The following ABR variants were observed in gnomAD, a reference collection of about 807,000 sequenced individuals.
The protein encoded by ABR is active breakpoint cluster region-related protein.
ABR carries 35 observed loss-of-function variants against 107.2 expected under a neutral mutation model. The ratio of observed to expected loss-of-function variants is 0.33; its 90% confidence interval spans 0.25 to 0.43. The LOEUF (loss-of-function observed/expected upper bound fraction) is 0.43. ABR is among the 20% of genes least tolerant of loss of function. The pLI, the probability that ABR is intolerant of heterozygous loss-of-function variation, is 1.00. For missense variants in ABR, 815 were observed against 1,115.2 expected, an observed-to-expected ratio of 0.73 and a Z score of 3.83; for synonymous variants, 498 against 462.0, an observed-to-expected ratio of 1.08 and a Z score of -1.00.
intron 1 of ABR, among the ~76,000 whole-genome samples, chr17:1,172,957 C>G (rs557343533): frequency 7.3e-5 from 8 of 110,304 alleles, no homozygotes; most frequent in South Asian, 3.1e-4. Context: ...TCCACCCCCC[C>G]CATCACCTCA....
intron 2 of ABR, among the ~76,000 whole-genome samples, chr17:1,120,025 G>A (rs892546838): frequency 6.6e-6 from 1 of 152,156 alleles, no homozygotes; most frequent in Admixed American, 6.5e-5. Flanking sequence ...TCCCCTTGTA[G>A]ATGGGATTAT....
At chr17:1,077,201 A>G (rs562384215) in intron 6 of ABR, among the ~76,000 whole-genome samples, 58 of 152,208 alleles carry the variant, frequency 3.8e-4, no homozygotes, top group African/African-American at 1.3e-3. Flanking sequence ...TAAAACCTCA[A>G]TGAACCACAG....
intron 4 of ABR, among the ~76,000 whole-genome samples, chr17:1,085,912 C>T (rs1250311454): frequency 2.0e-5 from 3 of 152,076 alleles, no homozygotes; most frequent in Non-Finnish European, 4.4e-5. Context: ...TTTGGGAGGC[C>T]GAGGCGGGCA....
upstream of ABR, among the ~76,000 whole-genome samples, chr17:1,184,410 A>C (rs1381090915): frequency 2.0e-5 from 3 of 148,366 alleles, no homozygotes; most frequent in Admixed American, 6.7e-5. Context: ...AGCTGAGATC[A>C]CGCCACTGCA....
chr17:1,223,358 C>T (rs1045819332), intron 1 of ABR, among the ~76,000 whole-genome samples: 6 of 149,248 alleles, frequency 4.0e-5, no homozygotes, highest in Admixed American at 1.3e-4. Context: ...CGTCACTCTA[C>T]GCCAGGTGTT....
chr17:1,079,295 T>C (rs374064632), intron 6 of ABR, 35 bp downstream of exon 6: 2 of 1,605,694 alleles, frequency 1.2e-6, no homozygotes, highest in Non-Finnish European at 8.5e-7. Flanking sequence ...CAGACAAAGG[T>C]AGGTGCCTGT....
intron 8 of ABR, among the ~76,000 whole-genome samples, chr17:1,072,198 C>T (rs1042786383): frequency 2.0e-5 from 3 of 152,188 alleles, no homozygotes; most frequent in South Asian, 2.1e-4. Flanking sequence ...CCACCGTGCC[C>T]GGCCTCCCTA....
At chr17:1,013,418 G>A (rs333650) in intron 16 of ABR, among the ~76,000 whole-genome samples, 14 of 147,516 alleles carry the variant, frequency 9.5e-5, no homozygotes, top group African/African-American at 1.5e-4. Context: ...CCTGTTACCC[G>A]CCGTGGGGGA....
intron 16 of ABR, among the ~76,000 whole-genome samples, chr17:1,023,505 G>C (rs1318238450): frequency 6.6e-6 from 1 of 151,842 alleles, no homozygotes; most frequent in Non-Finnish European, 1.5e-5. Flanking sequence ...AGAGTGGCAA[G>C]GGCAGGGGCA....
At chr17:1,152,183 G>A (rs546145399) in intron 1 of ABR, among the ~76,000 whole-genome samples, 6 of 152,300 alleles carry the variant, frequency 3.9e-5, no homozygotes, top group Admixed American at 6.5e-5. Flanking sequence ...CCATCTACTC[G>A]GGAGGCTGAG....
chr17:1,084,552 G>A lies in ABR; in HGVS notation c.532-925C>T, dbSNP rs571083467. Among the ~76,000 whole-genome samples, 16 of 152,160 alleles carry A rather than the reference G, an allele frequency of 1.1e-4. No homozygotes were observed. In the South Asian group the frequency reaches 1.5e-3, roughly 14 times the overall value. On this transcript the variant is annotated intron_variant, in intron 4 of 22. Coordinates refer to ENST00000302538, the MANE Select transcript of ABR (RefSeq NM_021962.5). This position sits in a 1 kb window ranked among gnomAD's most constrained non-coding sequence, Gnocchi z 4.2. ...CTGAGTCACAACCACACAGAGCCTC[G>A]CCTCTTCTGAGAGGCAGGGCAGACC... is the stretch of plus-strand genomic sequence containing the variant.
intron 2 of ABR, among the ~76,000 whole-genome samples, chr17:1,104,197 G>C (rs1253560777): frequency 6.6e-6 from 1 of 152,290 alleles, no homozygotes; most frequent in East Asian, 1.9e-4. Flanking sequence ...ATGCAGTCCT[G>C]GTGGGTTCGT....
chr17:1,112,715 A>AG (rs2038750560), intron 2 of ABR, among the ~76,000 whole-genome samples: 4 of 151,942 alleles, frequency 2.6e-5, no homozygotes, highest in African/African-American at 9.7e-5. Context: ...AGCATCATGG[A>AG]GGGTGAGGGG....
chr17:1,142,798 G>A (rs1007290759), intron 1 of ABR, among the ~76,000 whole-genome samples: 6 of 152,072 alleles, frequency 3.9e-5, no homozygotes, highest in Non-Finnish European at 8.8e-5. Flanking sequence ...GGTGGGGGTC[G>A]GCCCCTGTCT....
chr17:1,228,999 T>G (rs1009415820), exon 1 of ABR: 1 of 151,136 alleles, frequency 6.6e-6, no homozygotes, highest in African/African-American at 2.4e-5. Flanking sequence ...CTGCTCCAGG[T>G]CGCGGGTCCC....
chr17:1,059,602 A>G (rs1166699579), intron 10 of ABR, among the ~76,000 whole-genome samples: 1 of 152,142 alleles, frequency 6.6e-6, no homozygotes, highest in Non-Finnish European at 1.5e-5. Flanking sequence ...ACAACCCACC[A>G]GGTCCCGTCG....
intron 1 of ABR, chr17:1,125,784 C>T (rs879344682): frequency 1.4e-5 from 3 of 219,780 alleles, no homozygotes; most frequent in African/African-American, 2.3e-5. Context: ...GGGGGCCGGT[C>T]GATGTCACTT....
At chr17:1,057,468 C>G (rs1296272097) in intron 12 of ABR, among the ~76,000 whole-genome samples, 1 of 151,898 alleles carries the variant, frequency 6.6e-6, no homozygotes, top group Non-Finnish European at 1.5e-5. Context: ...ACCTCCGCCT[C>G]TCAGGTTCAA....
rs141346320 is a variant in ABR, at chr17:1,033,392, G to A, written c.1791+16658C>T. ...GTATGAAGTCAGTACCAGCATCCCC[G>A]CTTTACCTCTGAGGAAACGAAGGGC... On this transcript the variant is annotated intron_variant, in intron 16 of 22. Coordinates refer to ENST00000302538, the MANE Select transcript of ABR (RefSeq NM_021962.5). 5.2e-4 allele frequency among the ~76,000 whole-genome samples: 79 copies of A among 152,286 alleles called. 1 individual carries two copies. The highest frequency in any genetic ancestry group is 1.8e-3 in the African/African-American group (75 of 41,554).
Sources: gnomAD v4.1 joint callset for allele counts (sites outside exome capture counted in the v4.1 genomes callset) on GRCh38, gnomAD v4.1.1 for gene constraint, Gnocchi (gnomAD v3.1) non-coding constraint, MANE v1.5 for transcripts, NCBI Gene and HGNC (gene_info 2026-07-23, HGNC 2026-07-21) for gene names.